The following GREM2 variants were observed in gnomAD, a reference collection of about 807,000 sequenced individuals.
GREM2 encodes the protein gremlin 2, DAN family BMP antagonist.
In GREM2, 11 loss-of-function variants were observed where a neutral mutation model predicts 14.2. The ratio of observed to expected loss-of-function variants is 0.78; its 90% confidence interval spans 0.49 to 1.28. The LOEUF (loss-of-function observed/expected upper bound fraction) is 1.28, where lower values mean the gene tolerates loss of function less well. GREM2 is among the 50% of genes most tolerant of loss of function. The probability of loss-of-function intolerance (pLI) is 0.00; values close to 1 mark genes in which losing one functional copy is unlikely to be tolerated. For missense variants in GREM2, 210 were observed against 218.5 expected (o/e 0.96, Z 0.24); for synonymous variants, 98 against 97.6 (o/e 1.00, Z -0.02).
At chr1:240,509,360 A>ATTTTTTTT (rs564246660) in intron 1 of GREM2, among the ~76,000 whole-genome samples, 1 of 112,040 alleles carries the variant, frequency 8.9e-6, no homozygotes, top group Non-Finnish European at 1.8e-5. Flanking sequence ...AGCTCATTTG[A>ATTTTTTTT]TTTTTTTTTT....
intron 1 of GREM2, among the ~76,000 whole-genome samples, chr1:240,526,550 A>G (rs931220216): frequency 2.6e-5 from 4 of 151,874 alleles, no homozygotes; most frequent in Non-Finnish European, 5.9e-5. Context: ...AGATCAGGTT[A>G]CTCCTGCCTT....
rs570026745 is a variant in GREM2, at chr1:240,567,241, T to A, written c.-2+44643A>T. Among the ~76,000 whole-genome samples, 94 of 151,952 alleles carry A rather than the reference T, an allele frequency of 6.2e-4. 1 individual carries two copies. Among genetic ancestry groups the A allele is most frequent in the Non-Finnish European group, 6.5e-4 (44 of 67,990 alleles). Reference sequence around the variant, plus strand: ...TGGTCTAATATATGTATAACTGAAATCCCCAAAGGTATAGGAGAAGAAGAA... The same window carrying A: ...TGGTCTAATATATGTATAACTGAAAACCCCAAAGGTATAGGAGAAGAAGAA... On this transcript the variant is annotated intron_variant, in intron 1 of 1. Transcript: ENST00000318160.
intron 1 of GREM2, among the ~76,000 whole-genome samples, chr1:240,545,311 G>A (rs1045258475): frequency 4.6e-5 from 7 of 152,234 alleles, no homozygotes; most frequent in Non-Finnish European, 8.8e-5. Flanking sequence ...GACATGTGGA[G>A]TTTCCTGGAG....
At chr1:240,580,445 A>G (rs1679462912) in intron 1 of GREM2, among the ~76,000 whole-genome samples, 5 of 152,240 alleles carry the variant, frequency 3.3e-5, no homozygotes, top group Admixed American at 3.3e-4. Context: ...TGCCTTATCA[A>G]GATATATGTT....
At chr1:240,593,919 C>T (rs549746592) in intron 1 of GREM2, among the ~76,000 whole-genome samples, 2 of 151,840 alleles carry the variant, frequency 1.3e-5, no homozygotes, top group African/African-American at 4.8e-5. Context: ...AAAAGTAGTC[C>T]AGTTTGGGTG....
At chr1:240,564,948 A>G (rs922894318) in intron 1 of GREM2, among the ~76,000 whole-genome samples, 1 of 152,202 alleles carries the variant, frequency 6.6e-6, no homozygotes, top group Non-Finnish European at 1.5e-5. Flanking sequence ...GCCTTCCAGG[A>G]CTGGAACCCT....
intron 1 of GREM2, among the ~76,000 whole-genome samples, chr1:240,495,103 A>G (rs1677378744): frequency 6.6e-6 from 1 of 152,246 alleles, no homozygotes; most frequent in African/African-American, 2.4e-5. Flanking sequence ...AGTGAAAGAT[A>G]GACTTCAAAG....
chr1:240,589,931 G>T (rs1464670535), intron 1 of GREM2, among the ~76,000 whole-genome samples: 2 of 152,144 alleles, frequency 1.3e-5, no homozygotes, highest in Admixed American at 1.3e-4. Context: ...TTGGAGTGGG[G>T]AAGGAGGAGA....
chr1:240,555,807 C>G (rs1678945182), intron 1 of GREM2, among the ~76,000 whole-genome samples: 1 of 152,218 alleles, frequency 6.6e-6, no homozygotes, highest in Non-Finnish European at 1.5e-5. Context: ...CCCAGCTATC[C>G]TTGGAGAATA....
At chr1:240,609,570 G>A (rs1273409872) in intron 1 of GREM2, among the ~76,000 whole-genome samples, 2 of 152,020 alleles carry the variant, frequency 1.3e-5, no homozygotes, top group African/African-American at 4.8e-5. Context: ...GCCGAGTGCT[G>A]GGCACGTTTT....
intron 1 of GREM2, among the ~76,000 whole-genome samples, chr1:240,582,175 T>A (rs1268786817): frequency 6.6e-6 from 1 of 152,224 alleles, no homozygotes; most frequent in Admixed American, 6.5e-5. Flanking sequence ...CGATGGCTCA[T>A]GCCTGTAATC....
chr1:240,598,414 T>C (rs1468231341), intron 1 of GREM2, among the ~76,000 whole-genome samples: 1 of 152,188 alleles, frequency 6.6e-6, no homozygotes, highest in Non-Finnish European at 1.5e-5. Context: ...CCAAGAGTAA[T>C]CATTTATAGC....
intron 1 of GREM2, among the ~76,000 whole-genome samples, chr1:240,576,938 TTTTTA>T (rs1679383753): frequency 6.6e-6 from 1 of 152,196 alleles, no homozygotes; most frequent in Admixed American, 6.6e-5. Flanking sequence ...TTGGGAAGAT[TTTTTA>T]TTTTGTTTCC....
chr1:240,494,657 T>A (rs1558135567), intron 1 of GREM2, among the ~76,000 whole-genome samples: 1 of 152,178 alleles, frequency 6.6e-6, no homozygotes. Flanking sequence ...CCTAGCTGAC[T>A]TTGGGAGGCC....
chr1:240,518,060 A>G (rs1311957165), intron 1 of GREM2, among the ~76,000 whole-genome samples: 2 of 152,220 alleles, frequency 1.3e-5, no homozygotes, highest in Non-Finnish European at 2.9e-5. Context: ...CATAGCGTCA[A>G]TCAAAGGCAT....
chr1:240,598,992 G>T (rs766500560), intron 1 of GREM2, among the ~76,000 whole-genome samples: 22 of 152,046 alleles, frequency 1.4e-4, no homozygotes, highest in South Asian at 4.1e-4. Flanking sequence ...TAAGTGGTCG[G>T]GTGTGGTGGC....
At chr1:240,579,314 T>C (rs961584056) in intron 1 of GREM2, among the ~76,000 whole-genome samples, 12 of 152,190 alleles carry the variant, frequency 7.9e-5, no homozygotes, top group African/African-American at 2.9e-4. Context: ...TGTCATTTCA[T>C]TTAACAAATA....
intron 1 of GREM2, among the ~76,000 whole-genome samples, chr1:240,555,698 G>C (rs1678943681): frequency 6.6e-6 from 1 of 152,178 alleles, no homozygotes; most frequent in Admixed American, 6.5e-5. Flanking sequence ...ATTTATCAGA[G>C]ATCAAGAGAT....
In GREM2 at chr1:240,533,273, G is replaced by T. The variant is rs936485514; in HGVS notation, c.-1-39797C>A. ...GAACTAATAGAAATGAGCTAGCTGT[G>T]AAAAGGTTGGGAAAAGGAAAGGCAT... On this transcript the variant is annotated intron_variant, in intron 1 of 1. Coordinates refer to ENST00000318160, the MANE Select transcript of GREM2 (RefSeq NM_022469.4). 7.7e-4 allele frequency among the ~76,000 whole-genome samples: 117 copies of T among 152,294 alleles called. 1 individual carries two copies. The highest frequency in any genetic ancestry group is 2.6e-3 in the African/African-American group (110 of 41,574).
Sources: gnomAD v4.1 joint callset for allele counts (sites outside exome capture counted in the v4.1 genomes callset) on GRCh38, gnomAD v4.1.1 for gene constraint, MANE v1.5 for transcripts, NCBI Gene and HGNC (gene_info 2026-07-23, HGNC 2026-07-21) for gene names.